Variants in EVC observed in about 807,000 individuals in gnomAD.
EVC encodes the protein evC complex member EVC.
A neutral mutation model predicts 118.9 loss-of-function variants in EVC; 116 were observed. That is an observed-to-expected ratio of 0.98 (90% CI 0.84 to 1.14). The LOEUF (loss-of-function observed/expected upper bound fraction) is 1.14. EVC is among the 50% of genes most tolerant of loss of function. EVC has a pLI of 0.00. For synonymous variants in EVC, 619 were observed against 534.7 expected, an observed-to-expected ratio of 1.16 and a Z score of -2.18; for missense variants, 1,401 against 1,246.4, an observed-to-expected ratio of 1.12 and a Z score of -1.87.
intron 11 of EVC, among the ~76,000 whole-genome samples, chr4:5,761,114 TTC>T (rs1476262954): frequency 2.0e-5 from 3 of 152,142 alleles, no homozygotes; most frequent in Non-Finnish European, 4.4e-5. Flanking sequence ...GCCTGGACTG[TTC>T]TGAGCTCTGG....
At chr4:5,797,271 C>T (rs752994149) in intron 14 of EVC, 39 bp downstream of exon 14, 50 of 1,512,888 alleles carry the variant, frequency 3.3e-5, no homozygotes, top group Middle Eastern at 4.6e-4. Context: ...TCCAGACAGG[C>T]GGTGCCCCTG....
At chr4:5,753,658 G>A (rs1257701069) in intron 9 of EVC, 127 bp from the exon 10 acceptor site, 2 of 1,232,064 alleles carry the variant, frequency 1.6e-6, no homozygotes, top group Admixed American at 3.4e-5. Context: ...GTCACCAGCA[G>A]GGCGGGCACC....
chr4:5,740,418 C>G (rs968771286), intron 5 of EVC, among the ~76,000 whole-genome samples: 1 of 149,386 alleles, frequency 6.7e-6, no homozygotes, highest in Admixed American at 6.7e-5. Flanking sequence ...TTGCAGTGAG[C>G]CAAGATTGCA....
intron 8 of EVC, among the ~76,000 whole-genome samples, chr4:5,750,250 A>G (rs541570574): frequency 6.6e-6 from 1 of 152,196 alleles, no homozygotes; most frequent in Non-Finnish European, 1.5e-5. Context: ...CTGCTGACTC[A>G]TTAATGCTCT....
At chr4:5,824,320 C>T in the EVC span, 2 of 985,178 alleles carry the variant, frequency 2.0e-6, no homozygotes, top group African/African-American at 1.7e-5. Context: ...CCATTTTGTG[C>T]AAAAATATGA....
the EVC span, among the ~76,000 whole-genome samples, chr4:5,822,835 G>GT: frequency 3.9e-5 from 6 of 152,134 alleles, no homozygotes; most frequent in African/African-American, 9.7e-5. Context: ...ACAGAAAAAC[G>GT]TAAGTAAGTT....
chr4:5,817,096 C>A (rs552533355), downstream of EVC, among the ~76,000 whole-genome samples: 16 of 152,354 alleles, frequency 1.1e-4, no homozygotes, highest in African/African-American at 3.8e-4. Flanking sequence ...GGAGAAATCC[C>A]CTGCACCAGG....
At position 5,745,222 on chromosome 4, in the gene EVC, A is replaced by G. The variant is rs1345094264; in HGVS notation, c.820A>G (p.Lys274Glu). The G allele has an allele frequency of 6.2e-7, 1 of 1,613,824 alleles. No homozygotes were observed. The highest frequency in any genetic ancestry group is 8.5e-7 in the Non-Finnish European group (1 of 1,179,930). ...KQEKDLEELE[K>E]GLQVKLSNTE... ...TCTTCAGGATTTGGAGGAACTAGAA[A>G]AGGGACTTCAGGTCAAACTGTCAAA... The change falls in exon 7 of 21, where the codon AAG becomes GAG. Residue 274 changes from lysine to glutamate, a missense_variant. Transcript: ENST00000264956.
At chr4:5,772,447 C>T (rs1443450661) in intron 11 of EVC, among the ~76,000 whole-genome samples, 1 of 152,100 alleles carries the variant, frequency 6.6e-6, no homozygotes, top group East Asian at 1.9e-4. Context: ...CCTCTCTGAT[C>T]CAGGAATTCT....
chr4:5,821,945 G>C, the EVC span: 38 of 964,014 alleles, frequency 3.9e-5, no homozygotes, highest in Middle Eastern at 2.3e-4. The surrounding 1 kb of genome is among the most constrained non-coding windows in gnomAD (Gnocchi z 4.4). Flanking sequence ...GCACTCCACT[G>C]GACCCACCTT....
At chr4:5,807,307 T>C (rs1553895352) in intron 17 of EVC, among the ~76,000 whole-genome samples, 1 of 151,878 alleles carries the variant, frequency 6.6e-6, no homozygotes, top group Non-Finnish European at 1.5e-5. Context: ...TCTTGTAGGG[T>C]GCACAGGAAT....
chr4:5,826,009 G>A, the EVC span: 124 of 337,760 alleles, frequency 3.7e-4, no homozygotes, highest in Non-Finnish European at 4.6e-4. Context: ...GCGTGAACAC[G>A]CACACACACT....
intron 9 of EVC, 129 bp from the exon 10 acceptor site, chr4:5,753,656 C>A: frequency 8.3e-7 from 1 of 1,207,456 alleles, no homozygotes; most frequent in Non-Finnish European, 1.2e-6. Context: ...GTGTCACCAG[C>A]AGGGCGGGCA....
Position 5,780,543 on chromosome 4 carries a change from G to A in EVC, c.1564-3009G>A, listed in dbSNP as rs148724051. Among the ~76,000 whole-genome samples, 400 of 152,284 alleles carry A rather than the reference G, an allele frequency of 2.6e-3. 1 individual carries two copies. Among genetic ancestry groups the A allele is most frequent in the South Asian group, 0.016 (79 of 4,828 alleles). The stretch of plus-strand genomic sequence containing the variant: ...GATATTATGCAAAAACAGTGTTCTT[G>A]ACTCAAATTAGTAATTCTTAACAAT... On this transcript the variant is annotated intron_variant, in intron 11 of 20. Transcript: ENST00000264956.
Position 5,719,239 on chromosome 4 carries a change from G to C in EVC, c.175-9G>C, listed in dbSNP as rs753317536. The C allele has an allele frequency of 6.2e-7, 1 of 1,614,112 alleles. No individual in the cohort carries two copies. Among genetic ancestry groups the C allele is most frequent in the Non-Finnish European group, 8.5e-7 (1 of 1,180,000 alleles). On this transcript the variant is annotated splice_polypyrimidine_tract_variant and intron_variant, in intron 1 of 20. Transcript: ENST00000264956. This position sits in a 1 kb window ranked among gnomAD's most constrained non-coding sequence, Gnocchi z 4.7. ...TATCCACCCCCAACTCCTGACCTTCGGGTTTTAGAAAGACGACACTCAAAA... is the reference window on the plus strand; with the variant it reads ...TATCCACCCCCAACTCCTGACCTTCCGGTTTTAGAAAGACGACACTCAAAA...
chr4:5,760,996 G>C lies in EVC; in HGVS notation c.1563+4634G>C, dbSNP rs958940996. 3.9e-5 allele frequency among the ~76,000 whole-genome samples: 6 copies of C among 152,160 alleles called. No individual in the cohort carries two copies. The East Asian group carries it at 9.6e-4, about 24-fold the overall frequency. On this transcript the variant is annotated intron_variant, in intron 11 of 20. Coordinates refer to ENST00000264956, the MANE Select transcript of EVC (RefSeq NM_153717.3). ...CCTCAATTTGGAAATCATTGCCTTT[G>C]GTTACTGGAAACTGCTTTTCCTGAT...
intron 11 of EVC, among the ~76,000 whole-genome samples, chr4:5,770,830 G>A (rs1733832202): frequency 6.6e-6 from 1 of 152,022 alleles, no homozygotes; most frequent in Non-Finnish European, 1.5e-5. Flanking sequence ...CGGCCAACAT[G>A]GCAAAACCCC....
At chr4:5,810,731 G>C (rs1395092442) in intron 20 of EVC, among the ~76,000 whole-genome samples, 1 of 152,198 alleles carries the variant, frequency 6.6e-6, no homozygotes, top group Non-Finnish European at 1.5e-5. Flanking sequence ...GTGTTGGGCA[G>C]TCCCTTCTTT....
chr4:5,729,215 T>G, intron 2 of EVC, 92 bp from the exon 3 acceptor site: 1 of 1,176,942 alleles, frequency 8.5e-7, no homozygotes, highest in Middle Eastern at 1.9e-4. Flanking sequence ...AGGCTGCTAT[T>G]ACAAATGGGA....
Sources: gnomAD v4.1 joint callset for allele counts (sites outside exome capture counted in the v4.1 genomes callset) on GRCh38, gnomAD v4.1.1 for gene constraint, Gnocchi (gnomAD v3.1) non-coding constraint, MANE v1.5 for transcripts, NCBI Gene and HGNC (gene_info 2026-07-23, HGNC 2026-07-21) for gene names.